Variants in DLGAP4 observed in about 807,000 individuals in gnomAD.
DLGAP4 encodes the protein disks large-associated protein 4.
Under a neutral mutation model 86.9 loss-of-function variants are expected in DLGAP4, and 18 were observed. The observed-to-expected ratio is 0.21, with a 90% CI of 0.14 to 0.31. The LOEUF (loss-of-function observed/expected upper bound fraction) is 0.31, where lower values mean the gene tolerates loss of function less well. DLGAP4 is among the 10% of genes least tolerant of loss of function. DLGAP4 has a pLI of 1.00. For synonymous variants in DLGAP4, 548 were observed against 574.3 expected (o/e 0.95, Z 0.65); for missense variants, 1,085 against 1,362.6 (o/e 0.80, Z 3.21).
chr20:36,363,143 G>T (rs2030574088), intron 1 of DLGAP4, among the ~76,000 whole-genome samples: 1 of 152,180 alleles, frequency 6.6e-6, no homozygotes, highest in Non-Finnish European at 1.5e-5. Context: ...AACATTCCAG[G>T]CAGAGCAAGA....
intron 7 of DLGAP4, among the ~76,000 whole-genome samples, chr20:36,476,711 T>G (rs962189405): frequency 7.0e-5 from 10 of 142,880 alleles, no homozygotes; most frequent in Non-Finnish European, 1.4e-4. Flanking sequence ...TTTGGTTTTT[T>G]TTTTTTTTTT....
At chr20:36,343,711 A>G (rs1320019816) in intron 1 of DLGAP4, among the ~76,000 whole-genome samples, 5 of 152,206 alleles carry the variant, frequency 3.3e-5, no homozygotes, top group African/African-American at 1.2e-4. Context: ...AATTTGGGAC[A>G]GGAGCAGCTT....
At chr20:36,396,476 T>TA (rs1569484730) in intron 2 of DLGAP4, among the ~76,000 whole-genome samples, 12 of 9,896 alleles carry the variant, frequency 1.2e-3, no homozygotes, top group South Asian at 3.0e-3. Context: ...CACATACACA[T>TA]CACACACACC....
At chr20:36,322,527 GC>G (rs2065178864) in intron 1 of DLGAP4, among the ~76,000 whole-genome samples, 1 of 152,204 alleles carries the variant, frequency 6.6e-6, no homozygotes, top group African/African-American at 2.4e-5. Flanking sequence ...GATGGTCCCT[GC>G]CTCATAAGAC....
rs181088185 is a variant in DLGAP4 at position 36,510,250 on chromosome 20, A to G, written c.2512+9639A>G. On this transcript the variant is annotated intron_variant, in intron 10 of 12. Transcript: ENST00000339266. ...TGGCTGCTTCTATGTTAATACAACT[A>G]TTTTCATTTATTTGTTATTTAATTT... Among the ~76,000 whole-genome samples, 6 of 151,662 alleles carry G rather than the reference A, an allele frequency of 4.0e-5. No individual in the cohort carries two copies. In the East Asian group the frequency reaches 9.7e-4, roughly 24 times the overall value.
chr20:36,415,580 T>G, intron 2 of DLGAP4, among the ~76,000 whole-genome samples: 1 of 152,216 alleles, frequency 6.6e-6, no homozygotes, highest in Admixed American at 6.5e-5. Context: ...ACCATCTGTC[T>G]GTGTTACCTC....
chr20:36,475,303 C>T (rs566727377), intron 7 of DLGAP4, among the ~76,000 whole-genome samples: 11 of 152,254 alleles, frequency 7.2e-5, no homozygotes, highest in East Asian at 5.8e-4. Flanking sequence ...CCTCGCCTGC[C>T]GGGTTCAAGT....
intron 7 of DLGAP4, among the ~76,000 whole-genome samples, chr20:36,483,171 G>A (rs2035264144): frequency 6.6e-6 from 1 of 152,228 alleles, no homozygotes; most frequent in Non-Finnish European, 1.5e-5. Context: ...AATGATGTTT[G>A]TGGCAGATTC....
intron 1 of DLGAP4, among the ~76,000 whole-genome samples, chr20:36,327,754 G>A (rs1403842675): frequency 1.3e-5 from 2 of 148,652 alleles, no homozygotes; most frequent in Non-Finnish European, 3.0e-5. Context: ...ACTACGCCCG[G>A]CTAATTTTTT....
intron 7 of DLGAP4, among the ~76,000 whole-genome samples, chr20:36,456,887 A>G (rs1253524535): frequency 2.6e-5 from 4 of 152,268 alleles, no homozygotes; most frequent in Non-Finnish European, 5.9e-5. Context: ...GTGTTTAAAT[A>G]GAACCTTGGA....
chr20:36,322,235 T>G (rs1231497652), intron 1 of DLGAP4, among the ~76,000 whole-genome samples: 1 of 150,612 alleles, frequency 6.6e-6, no homozygotes, highest in Non-Finnish European at 1.5e-5. Flanking sequence ...AACCCCGGGG[T>G]GTGAGGAAGG....
At chr20:36,489,267 TA>T (rs2035555919) in intron 7 of DLGAP4, among the ~76,000 whole-genome samples, 1 of 152,172 alleles carries the variant, frequency 6.6e-6, no homozygotes, top group South Asian at 2.1e-4. Context: ...TTTGCACATA[TA>T]GAATTAGTAA....
At chr20:36,458,996 C>T (rs559566281) in intron 7 of DLGAP4, among the ~76,000 whole-genome samples, 21 of 152,362 alleles carry the variant, frequency 1.4e-4, no homozygotes, top group African/African-American at 4.6e-4. Flanking sequence ...ACTCCTCTAA[C>T]TGCCAGTTCT....
At position 36,308,379 on chromosome 20, in the gene DLGAP4, G is replaced by C. The variant is rs1328039209; in HGVS notation, c.-304+1867G>C. On this transcript the variant is annotated intron_variant, in intron 1 of 12. Coordinates refer to ENST00000339266, the MANE Select transcript of DLGAP4 (RefSeq NM_001365621.2). This position sits in a 1 kb window ranked among gnomAD's most constrained non-coding sequence, Gnocchi z 4.5. ...CAGCCTGTGTCAGGCATTGGAGACA[G>C]TGTCCATGCTGAAGAGAAACTGTGA... Among the ~76,000 whole-genome samples the C allele has an allele frequency of 6.6e-6, 1 of 152,236 alleles. No homozygotes were observed.
chr20:36,427,857 C>T (rs778727517), intron 2 of DLGAP4, among the ~76,000 whole-genome samples: 17 of 151,944 alleles, frequency 1.1e-4, no homozygotes, highest in Admixed American at 2.6e-4. Flanking sequence ...GCACGAGAAT[C>T]GCTGGAACCC....
chr20:36,329,464 C>T (rs1391572677), intron 1 of DLGAP4, among the ~76,000 whole-genome samples: 1 of 152,194 alleles, frequency 6.6e-6, no homozygotes, highest in African/African-American at 2.4e-5. Flanking sequence ...AGATATTCAG[C>T]TTAGGGCCAG....
chr20:36,450,498 C>CA lies in DLGAP4; in HGVS notation c.1648+3571dup, dbSNP rs985226325. ...GGGCAACAAAAGTGAGACTCCGTCT[C>CA]AAAAAAAAAAGAATCAGGGTCAACA... On this transcript the variant is annotated intron_variant, in intron 7 of 12. Coordinates refer to ENST00000339266, the MANE Select transcript of DLGAP4 (RefSeq NM_001365621.2). Among the ~76,000 whole-genome samples the CA allele has an allele frequency of 5.1e-3, 741 of 145,142 alleles. 1 individual carries two copies. Among genetic ancestry groups the CA allele is most frequent in the Middle Eastern group, 0.017 (5 of 290 alleles).
At chr20:36,416,402 G>A (rs796437900) in intron 2 of DLGAP4, among the ~76,000 whole-genome samples, 11 of 152,344 alleles carry the variant, frequency 7.2e-5, no homozygotes, top group South Asian at 2.1e-4. Context: ...GATTACAGGC[G>A]TGAGCCACGC....
In DLGAP4 at chr20:36,506,883, A is replaced by C. The variant is rs190966191; in HGVS notation, c.2512+6272A>C. ...CTACTTTGTCTCTATGAGTTTGACT[A>C]TTCTAGCTACTTCATGTAAGTGGAA... On this transcript the variant is annotated intron_variant, in intron 10 of 12. Coordinates refer to ENST00000339266, the MANE Select transcript of DLGAP4 (RefSeq NM_001365621.2). Among the ~76,000 whole-genome samples the C allele has an allele frequency of 2.6e-5, 4 of 152,294 alleles. No individual in the cohort carries two copies. The East Asian group carries it at 7.7e-4, about 29-fold the overall frequency.
Sources: allele counts gnomAD v4.1 joint callset (sites outside exome capture counted in the v4.1 genomes callset), GRCh38; gene constraint gnomAD v4.1.1; non-coding constraint Gnocchi (gnomAD v3.1); transcripts MANE v1.5; gene names NCBI Gene and HGNC (gene_info 2026-07-23, HGNC 2026-07-21).